Variants in RFLNA observed in about 807,000 individuals in gnomAD.
RFLNA encodes the protein refilin-A.
RFLNA carries 5 observed loss-of-function variants against 7.8 expected under a neutral mutation model. That is an observed-to-expected ratio of 0.64 (90% CI 0.34 to 1.35). The LOEUF is 1.35. Ranked by LOEUF, RFLNA falls within the 40% of genes most tolerant of loss-of-function variation. The probability of loss-of-function intolerance (pLI) is 0.04; values close to 1 mark genes in which losing one functional copy is unlikely to be tolerated. For synonymous variants in RFLNA, 141 were observed against 131.3 expected, an observed-to-expected ratio of 1.07 and a Z score of -0.50; for missense variants, 278 against 305.5, an observed-to-expected ratio of 0.91 and a Z score of 0.67.
At position 124,315,477 on chromosome 12, in the gene RFLNA, G is replaced by C. The variant is rs944032826; in HGVS notation, c.*952G>C. On this transcript the variant is annotated 3_prime_UTR_variant, in exon 3 of 3. Transcript: ENST00000546355. ...TTTAAAGAGACACTGAGGGGACCGGGCTGCCGCCCTCAGCCTGCATTCCTG... is the reference window on the plus strand; with the variant it reads ...TTTAAAGAGACACTGAGGGGACCGGCCTGCCGCCCTCAGCCTGCATTCCTG... 6.6e-6 allele frequency: 1 copy of C among 152,278 alleles called. No homozygotes were observed. The highest frequency in any genetic ancestry group is 6.5e-5 in the Admixed American group (1 of 15,288). The allele number at this position is 152,278 out of a possible 1,614,324, so 9.4% of individuals were successfully genotyped here. A position where few individuals can be genotyped will look rare whatever the true frequency, so the allele number is the denominator to read the frequency against.
In RFLNA at chr12:124,300,916, G is replaced by GTGGATGGA. The variant is rs57838924; in HGVS notation, c.207+5301_207+5308dup. ...GAAGGATGGATGGATGGGCAGAAGGGTGGATGGATGGATGGATGGATGGAT... is the reference window on the plus strand; with the variant it reads ...GAAGGATGGATGGATGGGCAGAAGGGTGGATGGATGGATGGATGGATGGATGGATGGAT... On this transcript the variant is annotated intron_variant, in intron 1 of 2. Coordinates refer to ENST00000546355, the MANE Select transcript of RFLNA (RefSeq NM_001365156.1). Among the ~76,000 whole-genome samples, 415 of 145,122 alleles carry GTGGATGGA rather than the reference G, an allele frequency of 2.9e-3. 5 individuals are homozygous for GTGGATGGA. Among genetic ancestry groups the GTGGATGGA allele is most frequent in the South Asian group, 0.012 (55 of 4,430 alleles).
At position 124,314,778 on chromosome 12, in the gene RFLNA, G is replaced by T. The variant is rs116202510; in HGVS notation, c.*253G>T. On this transcript the variant is annotated 3_prime_UTR_variant, in exon 3 of 3. Coordinates refer to ENST00000546355, the MANE Select transcript of RFLNA (RefSeq NM_001365156.1). The stretch of plus-strand genomic sequence containing the variant: ...TTTTTAGCACTTAAGCTGGCAAGGC[G>T]GTAGGGGCATGCACTGTTAGGTGGT... 9.6e-5 allele frequency: 69 copies of T among 715,412 alleles called. No homozygotes were observed. In the East Asian group the frequency reaches 1.1e-3, roughly 11 times the overall value. 44.3% of individuals were successfully genotyped at this position (715,412 alleles called of 1,614,324 possible).
At position 124,314,404 on chromosome 12, in the gene RFLNA, G is replaced by T; in HGVS notation, c.530G>T (p.Ser177Ile). ...TTIIFPKHAR[S>I]TFRTTLHCSL... The stretch of plus-strand genomic sequence containing the variant: ...ATCATCTTCCCCAAGCATGCCAGGA[G>T]CACTTTCCGGACCACCCTGCACTGC... The change falls in exon 3 of 3, where the codon AGC becomes ATC. Residue 177 changes from serine to isoleucine, a missense_variant. Coordinates refer to ENST00000546355, the MANE Select transcript of RFLNA (RefSeq NM_001365156.1). The T allele has an allele frequency of 6.2e-7, 1 of 1,608,856 alleles. No homozygotes were observed. The highest frequency in any genetic ancestry group is 8.5e-7 in the Non-Finnish European group (1 of 1,179,890).
chr12:124,291,711 A>T (rs2033827166), upstream of RFLNA, among the ~76,000 whole-genome samples: 1 of 135,816 alleles, frequency 7.4e-6, no homozygotes, highest in South Asian at 2.4e-4. Context: ...GCTCTCCGTG[A>T]AAAAGCCTTT....
chr12:124,314,394 C>T lies in RFLNA; in HGVS notation c.520C>T (p.His174Tyr), dbSNP rs747513476. Residue 174 changes from histidine (H) to tyrosine (Y), a missense_variant, in exon 3 of 3, where the codon CAT becomes TAT. His to Tyr is a moderately conservative substitution (Grantham distance 83). Coordinates refer to ENST00000546355, the MANE Select transcript of RFLNA (RefSeq NM_001365156.1). ...FRSTTIIFPK[H>Y]ARSTFRTTLH... ...CAGCACCACCATCATCTTCCCCAAG[C>T]ATGCCAGGAGCACTTTCCGGACCAC... The T allele has an allele frequency of 1.9e-6, 3 of 1,610,974 alleles. No individual in the cohort carries two copies. The highest frequency in any genetic ancestry group is 4.5e-5 in the East Asian group (2 of 44,888).
At chr12:124,297,279 G>A (rs1345123859) in intron 1 of RFLNA, among the ~76,000 whole-genome samples, 2 of 152,060 alleles carry the variant, frequency 1.3e-5, no homozygotes, top group African/African-American at 2.4e-5. Context: ...ACTTGTCTTG[G>A]CTCTTCTACT....
intron 1 of RFLNA, among the ~76,000 whole-genome samples, chr12:124,300,916 G>GGGGA (rs2034024427): frequency 6.9e-6 from 1 of 145,014 alleles, no homozygotes; most frequent in South Asian, 2.3e-4. Context: ...GGGCAGAAGG[G>GGGGA]TGGATGGATG....
chr12:124,299,166 C>T (rs1474423839), intron 1 of RFLNA, among the ~76,000 whole-genome samples: 2 of 152,212 alleles, frequency 1.3e-5, no homozygotes, highest in Non-Finnish European at 2.9e-5. Context: ...AAATGAGAGA[C>T]TTGAGTGAGG....
intron 1 of RFLNA, among the ~76,000 whole-genome samples, chr12:124,296,816 G>T (rs767056232): frequency 2.6e-5 from 4 of 152,212 alleles, no homozygotes; most frequent in Non-Finnish European, 5.9e-5. Flanking sequence ...TTGATAGGGG[G>T]TGCAGCTCGG....
chr12:124,310,829 G>C (rs562648943), intron 1 of RFLNA, among the ~76,000 whole-genome samples: 1 of 152,260 alleles, frequency 6.6e-6, no homozygotes, highest in African/African-American at 2.4e-5. Context: ...TCTTTCTGAA[G>C]GGGCTGTGGA....
intron 2 of RFLNA, among the ~76,000 whole-genome samples, chr12:124,313,321 T>A (rs1415560589): frequency 1.3e-5 from 2 of 152,196 alleles, no homozygotes; most frequent in African/African-American, 4.8e-5. Flanking sequence ...TACTAGTCGG[T>A]CACTCCTCCA....
upstream of RFLNA, among the ~76,000 whole-genome samples, chr12:124,290,329 C>T (rs1471897776): frequency 1.3e-5 from 2 of 151,812 alleles, no homozygotes; most frequent in African/African-American, 4.8e-5. The surrounding 1 kb of genome is among the most constrained non-coding windows in gnomAD (Gnocchi z 4.0). Context: ...CATGTATGTG[C>T]ATTTGCATAT....
In RFLNA at chr12:124,301,680, C is replaced by T. The variant is rs543756285; in HGVS notation, c.207+6044C>T. 3.9e-5 allele frequency among the ~76,000 whole-genome samples: 6 copies of T among 152,238 alleles called. No individual in the cohort carries two copies. The South Asian group carries it at 1.2e-3, about 32-fold the overall frequency. On this transcript the variant is annotated intron_variant, in intron 1 of 2. Coordinates refer to ENST00000546355, the MANE Select transcript of RFLNA (RefSeq NM_001365156.1). The stretch of plus-strand genomic sequence containing the variant: ...AGATGGGTGTCCCCTATCTGGGAGG[C>T]CGCCTGGCAGTTGTGAGTGGTTGAG...
At chr12:124,304,141 G>A (rs1217195729) in intron 1 of RFLNA, among the ~76,000 whole-genome samples, 25 of 152,232 alleles carry the variant, frequency 1.6e-4, no homozygotes, top group Admixed American at 1.4e-3. Context: ...CGCCACGACC[G>A]TTTCGATGTT....
At chr12:124,313,343 G>A (rs573563949) in intron 2 of RFLNA, among the ~76,000 whole-genome samples, 2 of 152,302 alleles carry the variant, frequency 1.3e-5, no homozygotes, top group African/African-American at 4.8e-5. Flanking sequence ...GGGTGTTGAA[G>A]GGACTTCTTG....
At chr12:124,300,188 C>T (rs1046820292) in intron 1 of RFLNA, among the ~76,000 whole-genome samples, 12 of 152,364 alleles carry the variant, frequency 7.9e-5, no homozygotes, top group Admixed American at 1.3e-4. Context: ...GATGCAGAGA[C>T]GGGGCCTCTG....
chr12:124,296,100 C>CTTTCTTTCTTTCTTTCTTTCTTTCTT (rs1555294100), intron 1 of RFLNA, among the ~76,000 whole-genome samples: 4 of 5,198 alleles, frequency 7.7e-4, no homozygotes, highest in Non-Finnish European at 2.7e-3. Context: ...TTCTTTCTTT[C>CTTTCTTTCTTTCTTTCTTTCTTTCTT]TTTCTTTCTT....
At chr12:124,296,072 T>TTTTCTTTCTTTCTTTCTTTCTTTTTC in intron 1 of RFLNA, among the ~76,000 whole-genome samples, 1 of 94,722 alleles carries the variant, frequency 1.1e-5, no homozygotes, top group African/African-American at 4.9e-5. Flanking sequence ...TGTGAAAGCC[T>TTTTCTTTCTTTCTTTCTTTCTTTTTC]TTTCTTTCTT....
chr12:124,290,791 A>G (rs1014199609), upstream of RFLNA, among the ~76,000 whole-genome samples: 2 of 152,168 alleles, frequency 1.3e-5, no homozygotes, highest in Non-Finnish European at 2.9e-5. This position sits in a 1 kb window ranked among gnomAD's most constrained non-coding sequence, Gnocchi z 4.0. Context: ...ATATGCTTAT[A>G]TTTAATCTTC....
Sources: gnomAD v4.1 joint callset for allele counts (sites outside exome capture counted in the v4.1 genomes callset) on GRCh38, gnomAD v4.1.1 for gene constraint, Gnocchi (gnomAD v3.1) non-coding constraint, MANE v1.5 for transcripts, NCBI Gene and HGNC (gene_info 2026-07-23, HGNC 2026-07-21) for gene names.